KIF21B: variants seen among roughly 807,000 people sequenced by gnomAD.
The protein encoded by KIF21B is kinesin family member 21B.
In KIF21B, 85 loss-of-function variants were observed where a neutral mutation model predicts 192.9. That is an observed-to-expected ratio of 0.44 (90% CI 0.37 to 0.53). The LOEUF (loss-of-function observed/expected upper bound fraction) is 0.53. Ranked by LOEUF, KIF21B falls within the 20% of genes least tolerant of loss-of-function variation. The pLI, the probability that KIF21B is intolerant of heterozygous loss-of-function variation, is 0.00. For missense variants in KIF21B, 1,716 were observed against 2,194.8 expected (o/e 0.78, Z 4.36); for synonymous variants, 832 against 884.6 (o/e 0.94, Z 1.05).
chr1:201,018,084 G>T (rs971763923), intron 1 of KIF21B, among the ~76,000 whole-genome samples: 3 of 152,164 alleles, frequency 2.0e-5, no homozygotes, highest in Non-Finnish European at 4.4e-5. Context: ...TGTTCTAAGA[G>T]GGAGGGGCAC....
Position 201,005,661 on chromosome 1 carries a change from T to C in KIF21B, c.481A>G (p.Ser161Gly). 1 of 1,614,170 alleles carries C rather than the reference T, an allele frequency of 6.2e-7. No individual in the cohort carries two copies. Among genetic ancestry groups the C allele is most frequent in the Non-Finnish European group, 8.5e-7 (1 of 1,180,036 alleles). ...YNEEILDLFD[S>G]TRDPDTRHRR... is the part of the protein sequence containing the mutation. ...TGGCGGGTGTCAGGGTCACGGGTGC[T>C]GTCAAACAGGTCAAGGATCTCCTCG... is the stretch of plus-strand genomic sequence containing the variant. Residue 161 changes from serine (S) to glycine (G), a missense_variant, in exon 4 of 35, where the codon AGC becomes GGC. Around this residue, in one of 3 missense-constraint regions of KIF21B, gnomAD observed 1,087 missense variants for 1,316.6 expected, o/e 0.83. Transcript: ENST00000461742.
At chr1:201,006,111 C>T (rs1657805158) in intron 3 of KIF21B, among the ~76,000 whole-genome samples, 1 of 152,238 alleles carries the variant, frequency 6.6e-6, no homozygotes. Context: ...TCAGTGGAGA[C>T]CAGGGGAGCT....
chr1:201,022,213 C>A (rs1658877460), intron 1 of KIF21B, among the ~76,000 whole-genome samples: 1 of 152,110 alleles, frequency 6.6e-6, no homozygotes, highest in African/African-American at 2.4e-5. Context: ...ATTGCCATCT[C>A]TGACTCTGTC....
chr1:201,012,844 A>G (rs1658313157), intron 1 of KIF21B, among the ~76,000 whole-genome samples: 1 of 152,072 alleles, frequency 6.6e-6, no homozygotes, highest in Admixed American at 6.5e-5. Flanking sequence ...ACGTTTTGCC[A>G]TGTTGCCCAG....
At position 200,989,167 on chromosome 1, in the gene KIF21B, A is replaced by T. The variant is rs771426001; in HGVS notation, c.3133-236T>A. On this transcript the variant is annotated intron_variant, in intron 21 of 34. Transcript: ENST00000461742. ...TATGGGCTAGGTTATGTCCCCCCAA[A>T]ACTCATATTCATCTACAGCCAAGGA... Among the ~76,000 whole-genome samples, 3 of 152,110 alleles carry T rather than the reference A, an allele frequency of 2.0e-5. No homozygotes were observed. The South Asian group carries it at 6.2e-4, about 32-fold the overall frequency.
intron 8 of KIF21B, 96 bp from the exon 9 acceptor site, chr1:201,002,446 C>T: frequency 8.8e-7 from 1 of 1,138,588 alleles, no homozygotes; most frequent in African/African-American, 1.5e-5. Context: ...AGCGCCCTGG[C>T]CTTCCCCTGG....
Position 200,974,829 on chromosome 1 carries a change from C to T in KIF21B, c.4699G>A (p.Gly1567Ser), listed in dbSNP as rs757273186. ...TCCACGTTCCAGACCTTGATGACAC[C>T]CGCACGGCAGGCGCTGAGCAGCATG... The part of the protein sequence containing the change: ...RPMLLSACRA[G>S]VIKVWNVDNF... Residue 1567 changes from glycine (G) to serine (S), a missense_variant, in exon 34 of 35, where the codon GGT becomes AGT. Physicochemically the swap from Gly to Ser is moderately conservative, Grantham distance 56 (BLOSUM62 0). Transcript: ENST00000461742. 1.9e-6 allele frequency: 3 copies of T among 1,614,242 alleles called. No homozygotes were observed. Among genetic ancestry groups the T allele is most frequent in the South Asian group, 1.1e-5 (1 of 91,090 alleles).
Position 200,990,065 on chromosome 1 carries a change from C to T in KIF21B, c.3031-22G>A, listed in dbSNP as rs759673119. On this transcript the variant is annotated intron_variant, in intron 20 of 34. Coordinates refer to ENST00000461742, the MANE Select transcript of KIF21B (RefSeq NM_001252102.2). The surrounding 1 kb of genome is among the most constrained non-coding windows in gnomAD (Gnocchi z 5.4). Reference sequence around the variant, plus strand: ...CCTCCTAGGACCGGGAGGCAGAGAGCCCCGTCACCTGGGGCTACCCCTGCC... The same window carrying T: ...CCTCCTAGGACCGGGAGGCAGAGAGTCCCGTCACCTGGGGCTACCCCTGCC... 15 of 1,611,898 alleles carry T rather than the reference C, an allele frequency of 9.3e-6. No individual in the cohort carries two copies. Among genetic ancestry groups the T allele is most frequent in the African/African-American group, 1.3e-5 (1 of 74,884 alleles).
In KIF21B at chr1:200,975,616, G is replaced by A. The variant is rs751851213; in HGVS notation, c.4497C>T (p.Phe1499=). 6.2e-6 allele frequency: 10 copies of A among 1,613,838 alleles called. No individual in the cohort carries two copies. The East Asian group carries it at 6.7e-5, about 11-fold the overall frequency. ...CGATGCCATCGTAGTGCGGGGGCTC[G>A]AAGTTGTGAGTGGGGCCGATGGTGC... is the stretch of plus-strand genomic sequence containing the variant. The part of the protein sequence containing the change: ...VTGTIGPTHN[F]EPPHYDGIEC... The change falls in exon 33 of 35, where the codon TTC becomes TTT. Residue 1499 remains phenylalanine (F), a synonymous_variant. Transcript: ENST00000461742. The surrounding 1 kb of genome is among the most constrained non-coding windows in gnomAD (Gnocchi z 4.3).
rs573068752 is a variant in KIF21B, at chr1:200,973,213, G to C, written c.*308C>G. The C allele has an allele frequency of 3.1e-5, 10 of 324,884 alleles. No individual in the cohort carries two copies. In the Admixed American group the frequency reaches 5.1e-4, roughly 17 times the overall value. The allele number at this position is 324,884 out of a possible 1,614,324, so 20.1% of individuals were successfully genotyped here. On this transcript the variant is annotated 3_prime_UTR_variant, in exon 35 of 35. Transcript: ENST00000461742. ...GGGCCAAAGGCCTGAGAAAGGGGCAGAGCCGGTTCAGCAGGAGACAATGTG... is the reference window on the plus strand; with the variant it reads ...GGGCCAAAGGCCTGAGAAAGGGGCACAGCCGGTTCAGCAGGAGACAATGTG...
At position 200,977,263 on chromosome 1, in the gene KIF21B, G is replaced by A; in HGVS notation, c.4274C>T (p.Thr1425Ile). ...ATTGCCCGAGGCGGCGTACAGCATG[G>A]TGCCCGAAGGGCTGAGGGCGATCTG... is the stretch of plus-strand genomic sequence containing the variant. ...INQIALSPSG[T>I]MLYAASGNAV... The change falls in exon 31 of 35, where the codon ACC (threonine) becomes ATC (isoleucine). Residue 1425 changes from threonine to isoleucine, a missense_variant. Transcript: ENST00000461742. The A allele has an allele frequency of 6.2e-7, 1 of 1,614,180 alleles. No individual in the cohort carries two copies. The highest frequency in any genetic ancestry group is 8.5e-7 in the Non-Finnish European group (1 of 1,179,994).
At position 200,999,795 on chromosome 1, in the gene KIF21B, C is replaced by T. The variant is rs1657347665; in HGVS notation, c.1767+88G>A. ...GCAGACCCAACCGCCTCCTTCACTC[C>T]ATACAAGGATGCGGATGGGGCCCCC... is the stretch of plus-strand genomic sequence containing the variant. On this transcript the variant is annotated intron_variant, in intron 12 of 34. Transcript: ENST00000461742. The surrounding 1 kb of genome is among the most constrained non-coding windows in gnomAD (Gnocchi z 4.7). 343 of 1,297,436 alleles carry T rather than the reference C, an allele frequency of 2.6e-4. 5 individuals are homozygous for T. In the South Asian group the frequency reaches 3.9e-3, roughly 15 times the overall value. The allele number at this position is 1,297,436 out of a possible 1,614,324, so 80.4% of individuals were successfully genotyped here.
At chr1:200,995,733 C>G (rs1657016876) in intron 15 of KIF21B, among the ~76,000 whole-genome samples, 1 of 152,230 alleles carries the variant, frequency 6.6e-6, no homozygotes, top group South Asian at 2.1e-4. Flanking sequence ...CTTCTAAGGA[C>G]TGAATGTGAT....
chr1:200,987,311 C>G, intron 24 of KIF21B, 110 bp from the exon 25 acceptor site: 1 of 941,516 alleles, frequency 1.1e-6, no homozygotes, highest in Middle Eastern at 2.6e-4. Flanking sequence ...GCAAACATGG[C>G]TCACTGCAGC....
At position 201,009,320 on chromosome 1, in the gene KIF21B, C is replaced by T; in HGVS notation, c.210G>A (p.Lys70=). ...QEQIYSTCVS[K]LIEGCFEGYN... is the part of the protein sequence containing the mutation. ...AGCCCTCGAAGCAGCCCTCGATGAG[C>T]TTGCTCACACAGGTGGAATAGATCT... Residue 70 remains lysine (K), a synonymous_variant, in exon 2 of 35, where the codon AAG becomes AAA. Transcript: ENST00000461742. The T allele has an allele frequency of 6.2e-7, 1 of 1,614,294 alleles. No individual in the cohort carries two copies. Among genetic ancestry groups the T allele is most frequent in the Admixed American group, 1.7e-5 (1 of 60,034 alleles).
rs1484039111 is a variant in KIF21B at position 200,972,846 on chromosome 1, A to G, written c.*675T>C. The G allele has an allele frequency of 6.5e-6, 1 of 152,684 alleles. No individual in the cohort carries two copies. Among genetic ancestry groups the G allele is most frequent in the East Asian group, 1.9e-4 (1 of 5,208 alleles). 9.5% of individuals were successfully genotyped at this position (152,684 alleles called of 1,614,324 possible). On this transcript the variant is annotated 3_prime_UTR_variant, in exon 35 of 35. Coordinates refer to ENST00000461742, the MANE Select transcript of KIF21B (RefSeq NM_001252102.2). ...TTCAAGTCCGTTTCCAGGAGGCAACAGCAAAAAATAAAAATAACAAAATAA... is the reference window on the plus strand; with the variant it reads ...TTCAAGTCCGTTTCCAGGAGGCAACGGCAAAAAATAAAAATAACAAAATAA...
chr1:200,973,355 G>A lies in KIF21B; in HGVS notation c.*166C>T. ...CCTGAGAGGCAGGGGAGGGATGAGG[G>A]AACAGTGTCCTGTGGGAAGGCCAAG... On this transcript the variant is annotated 3_prime_UTR_variant, in exon 35 of 35. Coordinates refer to ENST00000461742, the MANE Select transcript of KIF21B (RefSeq NM_001252102.2). 1 of 777,056 alleles carries A rather than the reference G, an allele frequency of 1.3e-6. No individual in the cohort carries two copies. The highest frequency in any genetic ancestry group is 1.8e-6 in the Non-Finnish European group (1 of 546,252). 48.1% of individuals were successfully genotyped at this position (777,056 alleles called of 1,614,324 possible).
chr1:201,002,253 C>T lies in KIF21B; in HGVS notation c.1310G>A (p.Arg437Gln), dbSNP rs199512300. The change falls in exon 9 of 35, where the codon CGG becomes CAG. Residue 437 changes from arginine (R) to glutamine (Q), a missense_variant. Arg to Gln is a conservative substitution (Grantham distance 43, BLOSUM62 1). Transcript: ENST00000461742. Reference protein sequence around the residue: ...LQKENGALRLRVKAMQEAIDA... With the variant: ...LQKENGALRLQVKAMQEAIDA... ...GATGGCCTCCTGCATGGCTTTCACC[C>T]GCAGCCGCAGGGCCCCATTCTCCTT... 69 of 1,614,216 alleles carry T rather than the reference C, an allele frequency of 4.3e-5. No homozygotes were observed. The East Asian group carries it at 8.7e-4, about 20-fold the overall frequency.
At chr1:201,022,473 G>A (rs1658898921) in intron 1 of KIF21B, among the ~76,000 whole-genome samples, 1 of 152,214 alleles carries the variant, frequency 6.6e-6, no homozygotes, top group Non-Finnish European at 1.5e-5. Flanking sequence ...GAGGTGTGAA[G>A]CATCTCCACC....
Sources: allele counts gnomAD v4.1 joint callset (sites outside exome capture counted in the v4.1 genomes callset), GRCh38; gene constraint gnomAD v4.1.1; regional missense constraint gnomAD v4.1.1; non-coding constraint Gnocchi (gnomAD v3.1); transcripts MANE v1.5; gene names NCBI Gene and HGNC (gene_info 2026-07-23, HGNC 2026-07-21).